Variants in PTPN13 observed in about 807,000 individuals in gnomAD.
PTPN13 encodes the protein tyrosine-protein phosphatase non-receptor type 13.
A neutral mutation model predicts 284.0 loss-of-function variants in PTPN13; 191 were observed. The ratio of observed to expected loss-of-function variants is 0.67; its 90% CI spans 0.60 to 0.76. The LOEUF (loss-of-function observed/expected upper bound fraction) is 0.76. Ranked by LOEUF, PTPN13 falls within the 30% of genes least tolerant of loss-of-function variation. The pLI, the probability that PTPN13 is intolerant of heterozygous loss-of-function variation, is 0.00. For missense variants in PTPN13, 2,797 were observed against 2,939.9 expected (o/e 0.95, Z 1.12); for synonymous variants, 986 against 1,022.3 (o/e 0.96, Z 0.68).
intron 2 of PTPN13, among the ~76,000 whole-genome samples, chr4:86,663,319 G>A (rs1453966856): frequency 6.6e-6 from 1 of 152,216 alleles, no homozygotes; most frequent in Admixed American, 6.5e-5. Flanking sequence ...CCCATGGGGG[G>A]GTTTGCACTG....
intron 1 of PTPN13, among the ~76,000 whole-genome samples, chr4:86,628,460 T>C (rs113378617): frequency 0.046 from 6,980 of 151,544 alleles, 215 homozygotes; most frequent in African/African-American, 0.059. Flanking sequence ...AGTTATATGA[T>C]TTGCAGTATT....
At chr4:86,596,616 A>C (rs1763830038) in intron 1 of PTPN13, among the ~76,000 whole-genome samples, 1 of 152,172 alleles carries the variant, frequency 6.6e-6, no homozygotes, top group Admixed American at 6.5e-5. Context: ...AATGAAATTT[A>C]TGTATTCTTT....
chr4:86,715,335 G>A (rs904224738), intron 7 of PTPN13, among the ~76,000 whole-genome samples: 3 of 152,084 alleles, frequency 2.0e-5, no homozygotes, highest in Non-Finnish European at 4.4e-5. Context: ...ATGTATGTGT[G>A]TCTTTTATAT....
chr4:86,632,666 CT>C (rs1722592532), intron 1 of PTPN13, among the ~76,000 whole-genome samples: 1 of 151,298 alleles, frequency 6.6e-6, no homozygotes, highest in Non-Finnish European at 1.5e-5. Flanking sequence ...CCCTTCTCTC[CT>C]TTTCCCCTCC....
chr4:86,625,336 C>T (rs1052297665), intron 1 of PTPN13, among the ~76,000 whole-genome samples: 1 of 152,030 alleles, frequency 6.6e-6, no homozygotes, highest in African/African-American at 2.4e-5. Context: ...AAGGCCTTAA[C>T]TATAACCCCC....
intron 1 of PTPN13, among the ~76,000 whole-genome samples, chr4:86,616,256 T>C (rs1421860223): frequency 6.6e-6 from 1 of 152,162 alleles, no homozygotes; most frequent in African/African-American, 2.4e-5. Context: ...GTGTTATAAA[T>C]GTCATGAAGT....
intron 3 of PTPN13, 116 bp downstream of exon 3, chr4:86,672,659 G>A: frequency 1.3e-6 from 1 of 773,228 alleles, no homozygotes; most frequent in Non-Finnish European, 1.9e-6. Context: ...AAATGACCGT[G>A]TATTCCAAGA....
At chr4:86,768,093 G>A in intron 28 of PTPN13, 117 bp downstream of exon 28, 1 of 901,654 alleles carries the variant, frequency 1.1e-6, no homozygotes, top group Non-Finnish European at 1.6e-6. Context: ...TTCTTGTCAA[G>A]TACAAATAAT....
chr4:86,662,537 G>T (rs1726625466), intron 2 of PTPN13, among the ~76,000 whole-genome samples: 1 of 152,094 alleles, frequency 6.6e-6, no homozygotes, highest in Admixed American at 6.5e-5. Context: ...TTGCCATGCT[G>T]GCCAGGATGG....
intron 1 of PTPN13, among the ~76,000 whole-genome samples, chr4:86,620,342 T>C (rs1199047305): frequency 6.6e-6 from 1 of 152,110 alleles, no homozygotes; most frequent in Non-Finnish European, 1.5e-5. Context: ...ATTTTTGTAT[T>C]TTTTTAGAGA....
intron 2 of PTPN13, among the ~76,000 whole-genome samples, chr4:86,661,663 T>C (rs1726501696): frequency 6.6e-6 from 1 of 152,216 alleles, no homozygotes; most frequent in South Asian, 2.1e-4. Flanking sequence ...CATGTTTACA[T>C]GGAACCATGT....
rs200847334 is a variant in PTPN13, at chr4:86,734,362, T to A, written c.1918T>A (p.Trp640Arg). Residue 640 changes from tryptophan (W) to arginine (R), a missense_variant, in exon 13 of 48, where the codon TGG (tryptophan) becomes AGG (arginine). Physicochemically the swap from Trp to Arg is moderately radical, Grantham distance 101. Transcript: ENST00000411767. ...LKLTKVAPEG[W>R]KEEPKKKTKA... ...ATTAACCAAAGTGGCCCCAGAGGGA[T>A]GGAAAGAAGAACCAAAGAAAAAGAC... 13 of 1,561,774 alleles carry A rather than the reference T, an allele frequency of 8.3e-6. No individual in the cohort carries two copies. Among genetic ancestry groups the A allele is most frequent in the Non-Finnish European group, 9.6e-6 (11 of 1,150,968 alleles).
At chr4:86,631,457 G>T (rs1722459275) in intron 1 of PTPN13, among the ~76,000 whole-genome samples, 1 of 152,102 alleles carries the variant, frequency 6.6e-6, no homozygotes, top group Non-Finnish European at 1.5e-5. Flanking sequence ...GAAAGCTGCT[G>T]TAATACTACA....
intron 2 of PTPN13, among the ~76,000 whole-genome samples, chr4:86,655,382 G>A (rs1013931145): frequency 2.0e-5 from 3 of 152,134 alleles, no homozygotes; most frequent in African/African-American, 7.2e-5. Context: ...GCTGGTACCG[G>A]TTGTTCTTTT....
At chr4:86,797,491 C>CA (rs70948800) in intron 41 of PTPN13, among the ~76,000 whole-genome samples, 88 of 136,522 alleles carry the variant, frequency 6.4e-4, no homozygotes, top group Middle Eastern at 3.7e-3. Context: ...GACTCTGTCT[C>CA]AAAAAAAAAA....
chr4:86,775,431 A>T lies in PTPN13; in HGVS notation c.5681-11A>T. ...ATGACTGAGAAAACAAATATTTTCT[A>T]TTATTTCAAGGTTTTTCCTTATGTG... On this transcript the variant is annotated splice_polypyrimidine_tract_variant and intron_variant, in intron 34 of 47. Transcript: ENST00000411767. 1 of 1,596,704 alleles carries T rather than the reference A, an allele frequency of 6.3e-7. No individual in the cohort carries two copies.
At chr4:86,619,764 C>CT (rs77101775) in intron 1 of PTPN13, among the ~76,000 whole-genome samples, 65 of 145,934 alleles carry the variant, frequency 4.5e-4, no homozygotes, top group Non-Finnish European at 4.7e-4. Flanking sequence ...TTTCTTTTTT[C>CT]TTTTTTTTTT....
At chr4:86,637,513 G>C (rs1487332713) in intron 2 of PTPN13, among the ~76,000 whole-genome samples, 1 of 151,926 alleles carries the variant, frequency 6.6e-6, no homozygotes, top group Non-Finnish European at 1.5e-5. Flanking sequence ...TGGGGTGCAA[G>C]GCTGGTTCAA....
At chr4:86,723,402 T>C (rs999157234) in intron 10 of PTPN13, among the ~76,000 whole-genome samples, 3 of 152,184 alleles carry the variant, frequency 2.0e-5, no homozygotes, top group Non-Finnish European at 2.9e-5. Flanking sequence ...CTGCGTTGCA[T>C]GTTCCTTATG....
Sources: allele counts gnomAD v4.1 joint callset (sites outside exome capture counted in the v4.1 genomes callset), GRCh38; gene constraint gnomAD v4.1.1; transcripts MANE v1.5; gene names NCBI Gene and HGNC (gene_info 2026-07-23, HGNC 2026-07-21).